The following ARHGAP24 variants were observed in gnomAD, a reference collection of about 807,000 sequenced individuals.
ARHGAP24 encodes Rho GTPase activating protein 24, also known as rho GTPase-activating protein 24.
In ARHGAP24, 50 loss-of-function variants were observed where a neutral mutation model predicts 76.4. The observed-to-expected ratio is 0.65, with a 90% CI of 0.52 to 0.83. ARHGAP24 has a LOEUF of 0.83. Among genes scored for constraint, ARHGAP24 ranks in the 40% least tolerant of loss-of-function variants. ARHGAP24 has a pLI of 0.00. For missense variants in ARHGAP24, 930 were observed against 914.2 expected (o/e 1.02, Z -0.22); for synonymous variants, 345 against 323.3 (o/e 1.07, Z -0.72).
chr4:85,579,859 T>G (rs1727537085), intron 2 of ARHGAP24, among the ~76,000 whole-genome samples: 1 of 152,180 alleles, frequency 6.6e-6, no homozygotes, highest in Non-Finnish European at 1.5e-5. Context: ...TGTCGGTTGA[T>G]GGACATATGG....
At chr4:85,587,042 A>G (rs1357966518) in intron 2 of ARHGAP24, among the ~76,000 whole-genome samples, 3 of 152,176 alleles carry the variant, frequency 2.0e-5, no homozygotes, top group African/African-American at 7.2e-5. Flanking sequence ...CCACAACCCA[A>G]TATGTGTTCT....
In ARHGAP24 at chr4:85,799,917, C is replaced by G. The variant is rs1178962059; in HGVS notation, c.268+77945C>G. Among the ~76,000 whole-genome samples the G allele has an allele frequency of 3.3e-5, 5 of 152,234 alleles. No individual in the cohort carries two copies. In the East Asian group the frequency reaches 9.6e-4, roughly 29 times the overall value. ...AGACAAACTCAAATTCAGGGGCAGT[C>G]TACAAAATCACAGACTAGTCATCTT... On this transcript the variant is annotated intron_variant, in intron 3 of 9. Coordinates refer to ENST00000395184, the MANE Select transcript of ARHGAP24 (RefSeq NM_001025616.3).
chr4:85,621,136 G>C (rs1284985086), intron 2 of ARHGAP24, among the ~76,000 whole-genome samples: 1 of 152,018 alleles, frequency 6.6e-6, no homozygotes, highest in Non-Finnish European at 1.5e-5. Flanking sequence ...GTGTAGTATT[G>C]CATGTTGTCT....
intron 2 of ARHGAP24, among the ~76,000 whole-genome samples, chr4:85,583,883 C>T (rs1349850720): frequency 1.6e-5 from 2 of 122,018 alleles, no homozygotes; most frequent in Non-Finnish European, 3.6e-5. Context: ...AAATCAAAAC[C>T]ACAATGAGAT....
At chr4:85,662,833 T>C (rs1409803211) in intron 2 of ARHGAP24, among the ~76,000 whole-genome samples, 1 of 152,184 alleles carries the variant, frequency 6.6e-6, no homozygotes, top group East Asian at 1.9e-4. Flanking sequence ...GTTGTAGATA[T>C]GCGGCGTTAT....
At chr4:85,529,178 A>G (rs1450848170) in intron 1 of ARHGAP24, among the ~76,000 whole-genome samples, 1 of 151,992 alleles carries the variant, frequency 6.6e-6, no homozygotes, top group African/African-American at 2.4e-5. Flanking sequence ...GATTCTATTG[A>G]ACTTGAATTT....
intron 3 of ARHGAP24, among the ~76,000 whole-genome samples, chr4:85,843,529 A>C (rs28655099): frequency 2.0e-4 from 31 of 151,946 alleles, no homozygotes; most frequent in Non-Finnish European, 3.8e-4. Context: ...ATGTATCACA[A>C]ATATGAATTT....
At chr4:85,643,304 T>A (rs1361720700) in intron 2 of ARHGAP24, among the ~76,000 whole-genome samples, 1 of 65,230 alleles carries the variant, frequency 1.5e-5, no homozygotes, top group African/African-American at 4.4e-5. Flanking sequence ...CAGGCTGGAC[T>A]GCGGACTGCA....
At chr4:85,862,920 A>G (rs1451843572) in intron 3 of ARHGAP24, among the ~76,000 whole-genome samples, 1 of 152,162 alleles carries the variant, frequency 6.6e-6, no homozygotes, top group Non-Finnish European at 1.5e-5. Flanking sequence ...GAGTATCGCA[A>G]CAGTCTCCTG....
intron 3 of ARHGAP24, among the ~76,000 whole-genome samples, chr4:85,844,775 G>A (rs370565218): frequency 6.6e-6 from 1 of 152,128 alleles, no homozygotes; most frequent in African/African-American, 2.4e-5. Context: ...TCATAATTCT[G>A]TTGTTTTATT....
At chr4:85,642,822 T>A (rs772591925) in intron 2 of ARHGAP24, among the ~76,000 whole-genome samples, 6 of 152,134 alleles carry the variant, frequency 3.9e-5, no homozygotes, top group Non-Finnish European at 7.4e-5. Context: ...ACTTGTCAGA[T>A]CATGTCACTG....
At position 85,572,148 on chromosome 4, in the gene ARHGAP24, C is replaced by A. The variant is rs73835220; in HGVS notation, c.180+1427C>A. The stretch of plus-strand genomic sequence containing the variant: ...TTTTTGTCTCCTATCTTACCCTCCA[C>A]GGTTCTTTTCTAATTGCACCTTGTT... On this transcript the variant is annotated intron_variant, in intron 2 of 9. Transcript: ENST00000395184. Among the ~76,000 whole-genome samples, 3 of 152,234 alleles carry A rather than the reference C, an allele frequency of 2.0e-5. No homozygotes were observed. The East Asian group carries it at 5.8e-4, about 29-fold the overall frequency.
chr4:85,522,339 G>A (rs1383745651), intron 1 of ARHGAP24, among the ~76,000 whole-genome samples: 2 of 152,034 alleles, frequency 1.3e-5, no homozygotes, highest in African/African-American at 2.4e-5. Flanking sequence ...GTTTTGTTTT[G>A]TTTTTGACTT....
chr4:85,500,912 A>G (rs1411589097), intron 1 of ARHGAP24, among the ~76,000 whole-genome samples: 8 of 82,898 alleles, frequency 9.7e-5, no homozygotes, highest in Admixed American at 8.4e-4. Context: ...GATGTTCCCC[A>G]CCCAGTGTCC....
chr4:85,949,526 C>T (rs914828602), intron 5 of ARHGAP24, among the ~76,000 whole-genome samples: 5 of 152,198 alleles, frequency 3.3e-5, no homozygotes, highest in Non-Finnish European at 7.3e-5. Flanking sequence ...CTGATTGAGT[C>T]TCTTGTTTTC....
At chr4:85,617,688 AT>A (rs1349001061) in intron 2 of ARHGAP24, among the ~76,000 whole-genome samples, 1 of 152,154 alleles carries the variant, frequency 6.6e-6, no homozygotes, top group African/African-American at 2.4e-5. Context: ...TTTCTGCAAA[AT>A]TTTGTACATG....
At chr4:85,771,792 C>A (rs1028401250) in intron 3 of ARHGAP24, among the ~76,000 whole-genome samples, 3 of 152,192 alleles carry the variant, frequency 2.0e-5, no homozygotes, top group African/African-American at 7.2e-5. Context: ...TTACTGCAAC[C>A]TCTGCCTCCC....
intron 3 of ARHGAP24, among the ~76,000 whole-genome samples, chr4:85,849,876 C>T (rs570280618): frequency 1.3e-5 from 2 of 152,056 alleles, no homozygotes; most frequent in East Asian, 1.9e-4. Flanking sequence ...ATTTTTGCAT[C>T]GATGTTCATC....
chr4:85,658,845 G>A (rs1722275834), intron 2 of ARHGAP24, among the ~76,000 whole-genome samples: 1 of 152,178 alleles, frequency 6.6e-6, no homozygotes, highest in African/African-American at 2.4e-5. Context: ...GGGGTCCTTG[G>A]AGTAATCCAG....
Sources: gnomAD v4.1 joint callset for allele counts (sites outside exome capture counted in the v4.1 genomes callset) on GRCh38, gnomAD v4.1.1 for gene constraint, MANE v1.5 for transcripts, NCBI Gene and HGNC (gene_info 2026-07-23, HGNC 2026-07-21) for gene names.